Variants in MROH1 observed in about 807,000 individuals in gnomAD.
The protein encoded by MROH1 is maestro heat like repeat family member 1.
MROH1 carries 117 observed loss-of-function variants against 116.5 expected under a neutral mutation model. That is an observed-to-expected ratio of 1.00 (90% CI 0.86 to 1.17). The LOEUF (loss-of-function observed/expected upper bound fraction) is 1.17. MROH1 is among the 50% of genes most tolerant of loss of function. MROH1 has a pLI of 0.00. For missense variants in MROH1, 1,873 were observed against 1,338.5 expected (o/e 1.40, Z -6.23); for synonymous variants, 921 against 583.9 (o/e 1.58, Z -8.32).
At chr8:144,233,322 C>T (rs937988311) in intron 14 of MROH1, among the ~76,000 whole-genome samples, 23 of 151,666 alleles carry the variant, frequency 1.5e-4, no homozygotes, top group African/African-American at 5.1e-4. Context: ...TGCTAACTCC[C>T]ATTCCCTCCC....
chr8:144,227,938 G>A (rs1001201773), intron 14 of MROH1, among the ~76,000 whole-genome samples: 32 of 146,664 alleles, frequency 2.2e-4, no homozygotes, highest in African/African-American at 7.4e-4. Context: ...GGGTGACATA[G>A]TGACACCCTA....
At chr8:144,179,180 C>G (rs141296712) in intron 4 of MROH1, among the ~76,000 whole-genome samples, 335 of 152,146 alleles carry the variant, frequency 2.2e-3, no homozygotes, top group Non-Finnish European at 3.4e-3. Context: ...GGAGACCCTA[C>G]TGACTACCCC....
intron 3 of MROH1, among the ~76,000 whole-genome samples, chr8:144,167,272 T>G (rs191864725): frequency 3.0e-4 from 16 of 53,434 alleles, no homozygotes; most frequent in East Asian, 1.0e-3. Flanking sequence ...GGCCGGTTGT[T>G]GGGTGGAGTG....
At chr8:144,255,114 C>T (rs1191906924) in intron 34 of MROH1, 136 bp downstream of exon 34, 1 of 609,314 alleles carries the variant, frequency 1.6e-6, no homozygotes, top group Non-Finnish European at 2.9e-6. Flanking sequence ...GCTGGGAGCT[C>T]TGAGCTCAGG....
At chr8:144,181,523 C>A (rs1258515533) in intron 7 of MROH1, among the ~76,000 whole-genome samples, 1 of 152,214 alleles carries the variant, frequency 6.6e-6, no homozygotes, top group East Asian at 1.9e-4. Flanking sequence ...TCTCCTGGCC[C>A]TGCTCTTTGA....
chr8:144,208,849 G>A (rs948587886), intron 12 of MROH1, among the ~76,000 whole-genome samples: 24 of 151,918 alleles, frequency 1.6e-4, no homozygotes, highest in Admixed American at 1.3e-3. Flanking sequence ...TCAGGCTCCT[G>A]AGTAGCTGGG....
At position 144,244,512 on chromosome 8, in the gene MROH1, C is replaced by T. The variant is rs1162555909; in HGVS notation, c.2739C>T (p.Thr913=). The T allele has an allele frequency of 1.3e-6, 1 of 772,276 alleles. No individual in the cohort carries two copies. Among genetic ancestry groups the T allele is most frequent in the Non-Finnish European group, 2.4e-6 (1 of 414,032 alleles). 47.8% of individuals were successfully genotyped at this position (772,276 alleles called of 1,614,324 possible). The change falls in exon 28 of 44, where the codon ACC becomes ACT. Residue 913 remains threonine, a synonymous_variant. Coordinates refer to ENST00000326134, the MANE Select transcript of MROH1 (RefSeq NM_032450.3). ...LLTSLLQRNM[T]PQGLQIMIEH... ...CGAGCCTCCTGCAGCGGAACATGAC[C>T]CCCCAAGGCCTGCAGATCATGATTG...
chr8:144,225,910 G>GTTTGTTT (rs1837705052), intron 14 of MROH1, among the ~76,000 whole-genome samples: 1 of 87,558 alleles, frequency 1.1e-5, no homozygotes, highest in African/African-American at 4.4e-5. Flanking sequence ...TTCATTTTTA[G>GTTTGTTT]TTTTTTTTTT....
chr8:144,258,471 G>A lies in MROH1; in HGVS notation c.3792-306G>A, dbSNP rs976525588. Among the ~76,000 whole-genome samples the A allele has an allele frequency of 8.7e-3, 1,330 of 152,270 alleles. 21 individuals carry two copies. The highest frequency in any genetic ancestry group is 0.03 in the African/African-American group (1,247 of 41,556). On this transcript the variant is annotated intron_variant, in intron 35 of 43. Coordinates refer to ENST00000326134, the MANE Select transcript of MROH1 (RefSeq NM_032450.3). ...GGTGCCCAGCAGCGTCTGGGTGTCC[G>A]GAAAGGAAGGCCGGTGCAGCCAGAG...
At chr8:144,241,135 G>A in intron 21 of MROH1, 24 bp downstream of exon 21, 2 of 736,246 alleles carry the variant, frequency 2.7e-6, no homozygotes, top group Non-Finnish European at 5.0e-6. Flanking sequence ...CCCTGCAGAA[G>A]CCCCAGACAC....
intron 3 of MROH1, among the ~76,000 whole-genome samples, chr8:144,166,040 G>A (rs1286672712): frequency 6.6e-6 from 1 of 151,902 alleles, no homozygotes; most frequent in Non-Finnish European, 1.5e-5. Flanking sequence ...CATCACACCT[G>A]GCTAATTTTT....
rs188979070 is a variant in MROH1 at position 144,213,235 on chromosome 8, A to G, written c.1142-7365A>G. 3.7e-3 allele frequency: 2,329 copies of G among 625,360 alleles called. 9 individuals are homozygous for G. The highest frequency in any genetic ancestry group is 6.0e-3 in the Admixed American group (260 of 43,526). 38.7% of individuals were successfully genotyped at this position (625,360 alleles called of 1,614,324 possible). A position where few individuals can be genotyped will look rare whatever the true frequency, so the allele number is the denominator to read the frequency against. The stretch of plus-strand genomic sequence containing the variant: ...CATCCTCTGTTCATGGCTCTCTGCC[A>G]CTCTTGTTGTCCAAAGCTCTTTCTC... On this transcript the variant is annotated intron_variant, in intron 12 of 43. Transcript: ENST00000326134.
At chr8:144,161,218 A>G (rs1289202790) in intron 2 of MROH1, 129 bp downstream of exon 2, 1 of 152,250 alleles carries the variant, frequency 6.6e-6, no homozygotes, top group African/African-American at 2.4e-5. Context: ...GTAATCCAGG[A>G]TAATCTCCCT....
At chr8:144,205,486 T>A (rs1001714679) in intron 12 of MROH1, among the ~76,000 whole-genome samples, 8 of 141,166 alleles carry the variant, frequency 5.7e-5, no homozygotes, top group South Asian at 2.4e-4. Context: ...AAAGGATTTT[T>A]ATATATATAT....
At chr8:144,162,934 G>A (rs770235748) in intron 2 of MROH1, among the ~76,000 whole-genome samples, 2 of 151,966 alleles carry the variant, frequency 1.3e-5, no homozygotes, top group African/African-American at 2.4e-5. Context: ...TATTGGCCAG[G>A]CTGGTCTCGA....
chr8:144,231,016 G>T (rs1269044370), intron 14 of MROH1, among the ~76,000 whole-genome samples: 4 of 138,548 alleles, frequency 2.9e-5, no homozygotes, highest in Non-Finnish European at 6.2e-5. Flanking sequence ...GACTCTTAAC[G>T]AGCATGCTGC....
Position 144,180,069 on chromosome 8 carries a change from CT to C in MROH1, c.301-106del. 7.1e-7 allele frequency: 1 copy of C among 1,415,304 alleles called. No individual in the cohort carries two copies. The highest frequency in any genetic ancestry group is 1.3e-5 in the South Asian group (1 of 78,064). The allele number at this position is 1,415,304 out of a possible 1,614,324, so 87.7% of individuals were successfully genotyped here. A position where few individuals can be genotyped will look rare whatever the true frequency, so the allele number is the denominator to read the frequency against. ...TGCCCGCCACCTTCCCTGACCTGCA[CT>C]TTCTGGGGACGCTGAAAACAGCGTG... On this transcript the variant is annotated intron_variant, in intron 5 of 43. Transcript: ENST00000326134. This position sits in a 1 kb window ranked among gnomAD's most constrained non-coding sequence, Gnocchi z 7.4.
intron 14 of MROH1, among the ~76,000 whole-genome samples, chr8:144,225,968 G>A (rs190359628): frequency 0.014 from 2,051 of 144,788 alleles, 41 homozygotes; most frequent in African/African-American, 0.049. Context: ...AGGCTGGAGT[G>A]CAATGGCGTG....
In MROH1 at chr8:144,191,963, C is replaced by T. The variant is rs1352281053; in HGVS notation, c.855+108C>T. The T allele has an allele frequency of 3.0e-5, 40 of 1,324,400 alleles. No homozygotes were observed. In the East Asian group the frequency reaches 9.6e-4, roughly 32 times the overall value. 82.0% of individuals were successfully genotyped at this position (1,324,400 alleles called of 1,614,324 possible). On this transcript the variant is annotated intron_variant, in intron 9 of 43. Transcript: ENST00000326134. The stretch of plus-strand genomic sequence containing the variant: ...GGGCTCAGTGGTGGGTGGGGGTGGC[C>T]CTGAGTTCTCTGCTAAGGCTCAGTG...
Sources: allele counts gnomAD v4.1 joint callset (sites outside exome capture counted in the v4.1 genomes callset), GRCh38; gene constraint gnomAD v4.1.1; non-coding constraint Gnocchi (gnomAD v3.1); transcripts MANE v1.5; gene names NCBI Gene and HGNC (gene_info 2026-07-23, HGNC 2026-07-21).